The following KIAA1328 variants were observed in gnomAD, a reference collection of about 807,000 sequenced individuals.
KIAA1328 encodes the protein KIAA1328.
Under a neutral mutation model 68.1 loss-of-function variants are expected in KIAA1328, and 52 were observed. The observed-to-expected ratio is 0.76, with a 90% confidence interval of 0.61 to 0.96. KIAA1328 has a LOEUF of 0.96. Among genes scored for constraint, KIAA1328 ranks in the 40% least tolerant of loss-of-function variants. The pLI is 0.00. For missense variants in KIAA1328, 641 were observed against 677.6 expected, an observed-to-expected ratio of 0.95 and a Z score of 0.60; for synonymous variants, 232 against 239.4, an observed-to-expected ratio of 0.97 and a Z score of 0.28.
chr18:36,919,470 C>T (rs76489053), intron 5 of KIAA1328, among the ~76,000 whole-genome samples: 1,574 of 152,228 alleles, frequency 0.01, 35 homozygotes, highest in African/African-American at 0.036. Flanking sequence ...TTTTCTTTAT[C>T]CAGTCCACTG....
intron 6 of KIAA1328, among the ~76,000 whole-genome samples, chr18:37,011,758 GA>G (rs1401728564): frequency 7.9e-5 from 12 of 152,120 alleles, no homozygotes; most frequent in Admixed American, 7.9e-4. Flanking sequence ...TGACATCCCA[GA>G]AAAGGAAAAC....
At chr18:37,158,598 A>G (rs958674024) in intron 7 of KIAA1328, among the ~76,000 whole-genome samples, 12 of 152,204 alleles carry the variant, frequency 7.9e-5, no homozygotes, top group African/African-American at 2.9e-4. Flanking sequence ...AGAGAGGAAT[A>G]GTAGATGGGT....
At chr18:37,063,658 A>G (rs2151720482) in intron 6 of KIAA1328, 1 of 985,400 alleles carries the variant, frequency 1.0e-6, no homozygotes, top group African/African-American at 1.7e-5. Flanking sequence ...ATTGCTCTCT[A>G]GGCAAAGCAT....
chr18:36,840,034 C>A (rs1445758801), intron 3 of KIAA1328, among the ~76,000 whole-genome samples: 2 of 152,144 alleles, frequency 1.3e-5, no homozygotes, highest in African/African-American at 4.8e-5. Context: ...CTTTGCCCTG[C>A]AAGGTTTCTA....
At chr18:37,130,487 G>A (rs987823244) in intron 7 of KIAA1328, among the ~76,000 whole-genome samples, 1 of 152,010 alleles carries the variant, frequency 6.6e-6, no homozygotes, top group East Asian at 1.9e-4. Flanking sequence ...GCATGGTGGT[G>A]CACACCTGTA....
At chr18:37,137,805 C>T (rs1351688474) in intron 7 of KIAA1328, among the ~76,000 whole-genome samples, 1 of 152,164 alleles carries the variant, frequency 6.6e-6, no homozygotes, top group Non-Finnish European at 1.5e-5. Flanking sequence ...ATGGCTAGAT[C>T]ATATCTCTAT....
chr18:37,040,685 A>G (rs919472296), intron 6 of KIAA1328, among the ~76,000 whole-genome samples: 1 of 151,386 alleles, frequency 6.6e-6, no homozygotes, highest in Non-Finnish European at 1.5e-5. Context: ...TTTCTGATAT[A>G]GATGTTTAAA....
chr18:37,146,631 G>A (rs557159289), intron 7 of KIAA1328, among the ~76,000 whole-genome samples: 67 of 152,244 alleles, frequency 4.4e-4, no homozygotes, highest in Admixed American at 8.5e-4. Flanking sequence ...TGGTAGTTCT[G>A]TTTTTAGCTC....
intron 6 of KIAA1328, among the ~76,000 whole-genome samples, chr18:37,035,839 A>G (rs1435530715): frequency 6.6e-6 from 1 of 152,208 alleles, no homozygotes; most frequent in Non-Finnish European, 1.5e-5. Context: ...CCAGTTTGAA[A>G]TGTACTAAAG....
intron 9 of KIAA1328, among the ~76,000 whole-genome samples, chr18:37,214,272 T>C (rs2060379789): frequency 2.0e-5 from 3 of 152,252 alleles, no homozygotes; most frequent in Non-Finnish European, 4.4e-5. Context: ...CTAGGGTTTT[T>C]ATGGTTTTAG....
intron 8 of KIAA1328, among the ~76,000 whole-genome samples, chr18:37,172,369 A>G (rs942827369): frequency 1.3e-5 from 2 of 152,218 alleles, no homozygotes; most frequent in Non-Finnish European, 2.9e-5. Flanking sequence ...CAGAAGAGAA[A>G]AGTAATTACA....
intron 4 of KIAA1328, among the ~76,000 whole-genome samples, chr18:36,861,919 C>G (rs1028324410): frequency 6.6e-6 from 1 of 152,130 alleles, no homozygotes; most frequent in Non-Finnish European, 1.5e-5. Flanking sequence ...ATCTACCAGC[C>G]TTGGCCCCCA....
At chr18:36,872,584 C>G (rs2047984188) in intron 4 of KIAA1328, among the ~76,000 whole-genome samples, 1 of 152,140 alleles carries the variant, frequency 6.6e-6, no homozygotes, top group Non-Finnish European at 1.5e-5. Context: ...AGTAACACAA[C>G]TCCTACACTA....
chr18:37,225,029 T>C lies in KIAA1328; in HGVS notation c.*2802T>C, dbSNP rs1380941281. 1 of 985,288 alleles carries C rather than the reference T, an allele frequency of 1.0e-6. No individual in the cohort carries two copies. The highest frequency in any genetic ancestry group is 1.7e-5 in the African/African-American group (1 of 57,222). The allele number at this position is 985,288 out of a possible 1,614,324, so 61.0% of individuals were successfully genotyped here. A position where few individuals can be genotyped will look rare whatever the true frequency, so the allele number is the denominator to read the frequency against. ...AAACCTGATCCCCATGATGGGGACT[T>C]TTCTAGAGCACCCCAAATGTCATGG... is the stretch of plus-strand genomic sequence containing the variant. On this transcript the variant is annotated 3_prime_UTR_variant, in exon 10 of 10. Transcript: ENST00000280020.
At chr18:37,114,581 A>G (rs1170580044) in intron 7 of KIAA1328, among the ~76,000 whole-genome samples, 1 of 152,236 alleles carries the variant, frequency 6.6e-6, no homozygotes, top group East Asian at 1.9e-4. Context: ...CTGACAACCT[A>G]AGATGACAGT....
At chr18:36,997,790 T>C (rs1036378485) in intron 6 of KIAA1328, among the ~76,000 whole-genome samples, 6 of 152,124 alleles carry the variant, frequency 3.9e-5, no homozygotes, top group African/African-American at 1.2e-4. Flanking sequence ...TGCTGGTAAG[T>C]GAGCAGAGCA....
At chr18:37,168,126 G>A (rs2059427233) in intron 8 of KIAA1328, among the ~76,000 whole-genome samples, 1 of 152,184 alleles carries the variant, frequency 6.6e-6, no homozygotes, top group Non-Finnish European at 1.5e-5. Flanking sequence ...GATCATCTCA[G>A]TTTACACAGA....
At chr18:37,011,822 G>A (rs2151491931) in intron 6 of KIAA1328, among the ~76,000 whole-genome samples, 1 of 152,200 alleles carries the variant, frequency 6.6e-6, no homozygotes, top group Middle Eastern at 3.4e-3. Context: ...GATTACACAG[G>A]AGCATGGGTA....
chr18:37,126,504 G>T (rs964353346), intron 7 of KIAA1328, among the ~76,000 whole-genome samples: 11 of 152,066 alleles, frequency 7.2e-5, no homozygotes, highest in South Asian at 2.1e-4. Context: ...GAAGGCTTAG[G>T]TCCCAGATGG....
Sources: gnomAD v4.1 joint callset for allele counts (sites outside exome capture counted in the v4.1 genomes callset) on GRCh38, gnomAD v4.1.1 for gene constraint, MANE v1.5 for transcripts, NCBI Gene and HGNC (gene_info 2026-07-23, HGNC 2026-07-21) for gene names.